The following CXCR5 variants were observed in gnomAD, a reference collection of about 807,000 sequenced individuals.
CXCR5 encodes the protein C-X-C chemokine receptor type 5.
CXCR5 carries 3 observed loss-of-function variants against 5.6 expected under a neutral mutation model. The observed-to-expected ratio is 0.54, with a 90% CI of 0.24 to 1.39. The LOEUF (loss-of-function observed/expected upper bound fraction) is 1.39. CXCR5 is among the 40% of genes most tolerant of loss of function. The probability of loss-of-function intolerance (pLI) is 0.16; values close to 1 mark genes in which losing one functional copy is unlikely to be tolerated. For synonymous variants in CXCR5, 218 were observed against 219.9 expected (o/e 0.99, Z 0.08); for missense variants, 333 against 494.6 (o/e 0.67, Z 3.10).
rs759410345 is a variant in CXCR5 at position 118,893,745 on chromosome 11, C to A, written c.201C>A (p.Ile67=). 6.2e-7 allele frequency: 1 copy of A among 1,614,228 alleles called. No homozygotes were observed. The highest frequency in any genetic ancestry group is 1.7e-5 in the Admixed American group (1 of 60,032). ...AYSLIFLLGV[I]GNVLVLVILE... is the part of the protein sequence containing the mutation. Reference sequence around the variant, plus strand: ...GCCTCATCTTCCTCCTGGGCGTGATCGGCAACGTCCTGGTGCTGGTGATCC... The same window carrying A: ...GCCTCATCTTCCTCCTGGGCGTGATAGGCAACGTCCTGGTGCTGGTGATCC... Residue 67 remains isoleucine, a synonymous_variant, in exon 2 of 2, where the codon ATC becomes ATA. Coordinates refer to ENST00000292174, the MANE Select transcript of CXCR5 (RefSeq NM_001716.5). This position sits in a 1 kb window ranked among gnomAD's most constrained non-coding sequence, Gnocchi z 5.7.
chr11:118,891,639 C>T (rs748979943), intron 1 of CXCR5, among the ~76,000 whole-genome samples: 56 of 151,894 alleles, frequency 3.7e-4, no homozygotes, highest in Non-Finnish European at 5.9e-4. Context: ...GAGGCCGAGG[C>T]GGGGGGATCA....
chr11:118,890,666 T>C (rs1335642707), intron 1 of CXCR5, among the ~76,000 whole-genome samples: 2 of 152,172 alleles, frequency 1.3e-5, no homozygotes, highest in African/African-American at 4.8e-5. Flanking sequence ...CAGAGGAATA[T>C]ACATTTGGGA....
intron 1 of CXCR5, among the ~76,000 whole-genome samples, chr11:118,889,715 C>T (rs1939779100): frequency 6.6e-6 from 1 of 152,202 alleles, no homozygotes; most frequent in South Asian, 2.1e-4. Context: ...AGCTTCCTCC[C>T]ATCTTACCCT....
chr11:118,889,385 T>G (rs1939772860), intron 1 of CXCR5, among the ~76,000 whole-genome samples: 1 of 152,158 alleles, frequency 6.6e-6, no homozygotes, highest in Admixed American at 6.6e-5. Context: ...GGCCTCAGGT[T>G]TCAGAAGCTT....
intron 1 of CXCR5, among the ~76,000 whole-genome samples, chr11:118,892,618 A>G (rs977370793): frequency 2.2e-5 from 3 of 139,454 alleles, no homozygotes; most frequent in Admixed American, 7.7e-5. Flanking sequence ...AAACAGGCAC[A>G]TGTCTTCCTT....
rs1038959105 is a variant in CXCR5, at chr11:118,894,565, G to T, written c.1021G>T (p.Gly341Cys). The T allele has an allele frequency of 3.5e-5, 54 of 1,555,662 alleles. No homozygotes were observed. Among genetic ancestry groups the T allele is most frequent in the Non-Finnish European group, 4.6e-5 (53 of 1,148,758 alleles). ...CCTGTCGCGGCTCCTGACGAAGCTG[G>T]GCTGTACCGGCCCTGCCTCCCTGTG... The part of the protein sequence containing the change: ...SDLSRLLTKL[G>C]CTGPASLCQL... The change falls in exon 2 of 2, where the codon GGC becomes TGC. Residue 341 changes from glycine to cysteine, a missense_variant. Coordinates refer to ENST00000292174, the MANE Select transcript of CXCR5 (RefSeq NM_001716.5). The surrounding 1 kb of genome is among the most constrained non-coding windows in gnomAD (Gnocchi z 6.1).
Position 118,893,503 on chromosome 11 carries a change from T to C in CXCR5, c.52-93T>C, listed in dbSNP as rs1481388705. The stretch of plus-strand genomic sequence containing the variant: ...CTTGACATTTGGTCAGTGGGCCCTA[T>C]GTAGGAAAAAACCTCCAAGAGAGCT... On this transcript the variant is annotated intron_variant, in intron 1 of 1. Coordinates refer to ENST00000292174, the MANE Select transcript of CXCR5 (RefSeq NM_001716.5). The surrounding 1 kb of genome is among the most constrained non-coding windows in gnomAD (Gnocchi z 5.7). 6.7e-7 allele frequency: 1 copy of C among 1,496,244 alleles called. No individual in the cohort carries two copies. The highest frequency in any genetic ancestry group is 1.4e-5 in the African/African-American group (1 of 71,376). The allele number at this position is 1,496,244 out of a possible 1,614,324, so 92.7% of individuals were successfully genotyped here.
intron 1 of CXCR5, 57 bp downstream of exon 1, chr11:118,884,049 C>A: frequency 6.4e-7 from 1 of 1,560,158 alleles, no homozygotes. Context: ...TTCTAACATC[C>A]TTTGCCAGAG....
rs1434942934 is a variant in CXCR5, at chr11:118,896,425, C to T, written c.*1762C>T. On this transcript the variant is annotated 3_prime_UTR_variant, in exon 2 of 2. Transcript: ENST00000292174. ...CGGCCCGCTGCAATCTGACCCCTCTCTCCTCAGGGCAGGAAACACAGAGTC... is the reference window on the plus strand; with the variant it reads ...CGGCCCGCTGCAATCTGACCCCTCTTTCCTCAGGGCAGGAAACACAGAGTC... The T allele has an allele frequency of 6.6e-6, 1 of 152,336 alleles. No homozygotes were observed. The highest frequency in any genetic ancestry group is 1.5e-5 in the Non-Finnish European group (1 of 68,068). 9.4% of individuals were successfully genotyped at this position (152,336 alleles called of 1,614,324 possible).
At chr11:118,891,098 G>C (rs1485569703) in intron 1 of CXCR5, among the ~76,000 whole-genome samples, 1 of 152,164 alleles carries the variant, frequency 6.6e-6, no homozygotes, top group Non-Finnish European at 1.5e-5. Context: ...ACAAAGGCGT[G>C]TGTTTGGGGG....
In CXCR5 at chr11:118,893,553, C is replaced by G; in HGVS notation, c.52-43C>G. 6.6e-7 allele frequency: 1 copy of G among 1,520,974 alleles called. No homozygotes were observed. The highest frequency in any genetic ancestry group is 1.4e-5 in the African/African-American group (1 of 72,128). 94.2% of individuals were successfully genotyped at this position (1,520,974 alleles called of 1,614,324 possible). On this transcript the variant is annotated intron_variant, in intron 1 of 1. Transcript: ENST00000292174. The surrounding 1 kb of genome is among the most constrained non-coding windows in gnomAD (Gnocchi z 5.7). Reference sequence around the variant, plus strand: ...TAGGGTTCCTCTCAGAGAGGAAAGACAGGTCCTTAGGTCCTCACCCTCCCG... The same window carrying G: ...TAGGGTTCCTCTCAGAGAGGAAAGAGAGGTCCTTAGGTCCTCACCCTCCCG...
At chr11:118,892,081 G>T (rs1173709416) in intron 1 of CXCR5, among the ~76,000 whole-genome samples, 1 of 152,118 alleles carries the variant, frequency 6.6e-6, no homozygotes, top group Admixed American at 6.6e-5. Context: ...GACCCATGGA[G>T]AGATGGTCTC....
chr11:118,892,675 G>C (rs532551505), intron 1 of CXCR5, among the ~76,000 whole-genome samples: 15 of 151,776 alleles, frequency 9.9e-5, no homozygotes, highest in Admixed American at 3.3e-4. Flanking sequence ...GATGGGGGGG[G>C]GGTGATGGGG....
chr11:118,883,992 G>A lies in CXCR5; in HGVS notation c.51G>A (p.Leu17=), dbSNP rs757266262. Residue 17 remains leucine (L), a splice_region_variant and synonymous_variant, in exon 1 of 2, where the codon CTG becomes CTA. Coordinates refer to ENST00000292174, the MANE Select transcript of CXCR5 (RefSeq NM_001716.5). ...TGGACCTCGAGAACCTGGAGGACCT[G>A]GTGAGTAGACACGGGTAGCTTCCTG... is the stretch of plus-strand genomic sequence containing the variant. ...LEMDLENLED[L]FWELDRLDNY... is the part of the protein sequence containing the mutation. 1.2e-6 allele frequency: 2 copies of A among 1,612,666 alleles called. No homozygotes were observed. The highest frequency in any genetic ancestry group is 4.5e-5 in the East Asian group (2 of 44,808).
At chr11:118,890,582 G>A (rs1939794101) in intron 1 of CXCR5, among the ~76,000 whole-genome samples, 1 of 152,058 alleles carries the variant, frequency 6.6e-6, no homozygotes, top group African/African-American at 2.4e-5. Flanking sequence ...ACAGGAATGT[G>A]TTGGGGTGTT....
At position 118,892,215 on chromosome 11, in the gene CXCR5, C is replaced by A. The variant is rs548327259; in HGVS notation, c.52-1381C>A. 1.3e-4 allele frequency among the ~76,000 whole-genome samples: 20 copies of A among 152,286 alleles called. 1 individual carries two copies. In the East Asian group the frequency reaches 3.5e-3, roughly 26 times the overall value. ...ATCTCCCACACCTCCTTCTCACAGA[C>A]CCTCATTCCCCCAGAGCCAGAAGGA... On this transcript the variant is annotated intron_variant, in intron 1 of 1. Coordinates refer to ENST00000292174, the MANE Select transcript of CXCR5 (RefSeq NM_001716.5).
Position 118,895,488 on chromosome 11 carries a change from C to G in CXCR5, c.*825C>G, listed in dbSNP as rs567949997. On this transcript the variant is annotated 3_prime_UTR_variant, in exon 2 of 2. Transcript: ENST00000292174. This position sits in a 1 kb window ranked among gnomAD's most constrained non-coding sequence, Gnocchi z 4.2. ...ACCCCAAGGAGGGAGATGGATCAAT[C>G]AAACCCGGCGGTCCCCTCCGCCAGG... 6.0e-6 allele frequency: 1 copy of G among 167,182 alleles called. No homozygotes were observed. Among genetic ancestry groups the G allele is most frequent in the South Asian group, 2.1e-4 (1 of 4,824 alleles). The allele number at this position is 167,182 out of a possible 1,614,324, so 10.4% of individuals were successfully genotyped here. A position where few individuals can be genotyped will look rare whatever the true frequency, so the allele number is the denominator to read the frequency against.
chr11:118,891,582 A>G (rs1382901785), intron 1 of CXCR5, among the ~76,000 whole-genome samples: 1 of 152,072 alleles, frequency 6.6e-6, no homozygotes, highest in Non-Finnish European at 1.5e-5. Context: ...TAAATGTGAA[A>G]TTGAGGCCAG....
At chr11:118,889,006 T>C (rs1320058273) in intron 1 of CXCR5, among the ~76,000 whole-genome samples, 2 of 152,140 alleles carry the variant, frequency 1.3e-5, no homozygotes, top group Non-Finnish European at 2.9e-5. Context: ...GAGACTTAAT[T>C]ATCCAGGGAG....
Sources: allele counts gnomAD v4.1 joint callset (sites outside exome capture counted in the v4.1 genomes callset), GRCh38; gene constraint gnomAD v4.1.1; non-coding constraint Gnocchi (gnomAD v3.1); transcripts MANE v1.5; gene names NCBI Gene and HGNC (gene_info 2026-07-23, HGNC 2026-07-21).